Variants in CERS4 observed in about 807,000 individuals in gnomAD.
The protein encoded by CERS4 is LAG1 homolog, ceramide synthase 4.
A neutral mutation model predicts 51.8 loss-of-function variants in CERS4; 65 were observed. The observed-to-expected ratio is 1.26, with a 90% CI of 1.03 to 1.54. The LOEUF is 1.54. CERS4 is among the 40% of genes most tolerant of loss of function. The pLI, the probability that CERS4 is intolerant of heterozygous loss-of-function variation, is 0.00. For synonymous variants in CERS4, 228 were observed against 208.4 expected, an observed-to-expected ratio of 1.09 and a Z score of -0.81; for missense variants, 563 against 500.4, an observed-to-expected ratio of 1.13 and a Z score of -1.19.
intron 2 of CERS4, among the ~76,000 whole-genome samples, chr19:8,231,863 T>TG (rs1968023988): frequency 6.8e-6 from 1 of 147,528 alleles, no homozygotes; most frequent in South Asian, 2.2e-4. Flanking sequence ...TTTTTTTTTT[T>TG]TTTTTTTTTT....
chr19:8,257,212 G>A, intron 9 of CERS4, 135 bp downstream of exon 9: 2 of 918,446 alleles, frequency 2.2e-6, no homozygotes, highest in South Asian at 1.6e-5. Flanking sequence ...CGGGTGATGA[G>A]GCCCTGCCCC....
In CERS4 at chr19:8,256,269, G is replaced by A. The variant is rs766258940; in HGVS notation, c.502G>A (p.Asp168Asn). 9 of 1,613,576 alleles carry A rather than the reference G, an allele frequency of 5.6e-6. No homozygotes were observed. The African/African-American group carries it at 9.3e-5, about 17-fold the overall frequency. The change falls in exon 7 of 12, where the codon GAC becomes AAC. Residue 168 changes from aspartate (D) to asparagine (N), a missense_variant. Physicochemically the swap from Asp to Asn is conservative, Grantham distance 23. Transcript: ENST00000251363. ...SWLWAPVMCW[D>N]RYPNQTLKPS... ...GCTGTGGGCACCAGTAATGTGCTGG[G>A]ACAGGTACCCAAACCAGGTGAGTGG...
rs1968885859 is a variant in CERS4 at position 8,248,447 on chromosome 19, GAGCGGATAGATGTTT to G, written c.-1-2626_-1-2612del. Reference sequence around the variant, plus strand: ...GACACACAAGTGAGTGATGGATGATGAGCGGATAGATGTTTAGATGGGTGGACAGATGGATGATGA... The same window carrying G: ...GACACACAAGTGAGTGATGGATGATGAGATGGGTGGACAGATGGATGATGA... On this transcript the variant is annotated intron_variant, in intron 2 of 11. Coordinates refer to ENST00000251363, the MANE Select transcript of CERS4 (RefSeq NM_024552.3). 2.0e-5 allele frequency among the ~76,000 whole-genome samples: 3 copies of G among 151,974 alleles called. No homozygotes were observed. The South Asian group carries it at 6.2e-4, about 32-fold the overall frequency.
At chr19:8,224,655 A>T (rs1232703581) in intron 2 of CERS4, among the ~76,000 whole-genome samples, 1 of 152,192 alleles carries the variant, frequency 6.6e-6, no homozygotes, top group Non-Finnish European at 1.5e-5. Context: ...CAGTGGGAGC[A>T]CTTGCAGGAT....
intron 10 of CERS4, among the ~76,000 whole-genome samples, chr19:8,258,662 G>A (rs1969520784): frequency 6.6e-6 from 1 of 152,084 alleles, no homozygotes; most frequent in African/African-American, 2.4e-5. Flanking sequence ...GGCCAACATG[G>A]TGAAACCTTG....
intron 2 of CERS4, among the ~76,000 whole-genome samples, chr19:8,231,527 G>A (rs942967662): frequency 2.6e-5 from 4 of 151,874 alleles, no homozygotes; most frequent in Non-Finnish European, 4.4e-5. Flanking sequence ...AGAATATGGG[G>A]CTTTCCATCT....
rs773134878 is a variant in CERS4 at position 8,261,831 on chromosome 19, TGAA to T, written c.997_999del (p.Lys333del). ...ATTCTGCGCATGCTCTATAGCTTCA[TGAA>T]GAAGGGCCAGGTATGGCTGGACCTC... On this transcript the variant is annotated inframe_deletion, in exon 11 of 12. Coordinates refer to ENST00000251363, the MANE Select transcript of CERS4 (RefSeq NM_024552.3). 15 of 1,614,054 alleles carry T rather than the reference TGAA, an allele frequency of 9.3e-6. No homozygotes were observed. The highest frequency in any genetic ancestry group is 5.3e-5 in the African/African-American group (4 of 74,922).
rs1347647596 is a variant in CERS4, at chr19:8,255,716, G to A, written c.401G>A (p.Cys134Tyr). 3.7e-6 allele frequency: 6 copies of A among 1,612,592 alleles called. No homozygotes were observed. The highest frequency in any genetic ancestry group is 5.1e-6 in the Non-Finnish European group (6 of 1,179,506). Residue 134 changes from cysteine to tyrosine, a missense_variant, in exon 5 of 12, where the codon TGT becomes TAT. Coordinates refer to ENST00000251363, the MANE Select transcript of CERS4 (RefSeq NM_024552.3). Reference sequence around the variant, plus strand: ...CGACCCCAGCTGACCAAGAAGTTCTGTGAGGCCAGGTAAGCCCAGGATGGG... The same window carrying A: ...CGACCCCAGCTGACCAAGAAGTTCTATGAGGCCAGGTAAGCCCAGGATGGG... ...QDRPQLTKKF[C>Y]EASWRFLFYL...
At chr19:8,256,544 T>G in intron 7 of CERS4, 74 bp from the exon 8 acceptor site, 1 of 1,371,354 alleles carries the variant, frequency 7.3e-7, no homozygotes, top group Non-Finnish European at 1.0e-6. Flanking sequence ...GCAAACGGAG[T>G]GGGCCCGGAG....
intron 2 of CERS4, among the ~76,000 whole-genome samples, chr19:8,245,111 C>CAAAAAAAAAAA (rs74179480): frequency 2.0e-3 from 43 of 21,756 alleles, no homozygotes; most frequent in African/African-American, 4.4e-3. Context: ...GACTCCATCT[C>CAAAAAAAAAAA]AAAAAAAAAA....
At position 8,253,449 on chromosome 19, in the gene CERS4, C is replaced by CTTTTTT. The variant is rs35212733; in HGVS notation, c.174-1033_174-1028dup. Among the ~76,000 whole-genome samples the CTTTTTT allele has an allele frequency of 4.1e-3, 300 of 74,036 alleles. 7 individuals are homozygous for CTTTTTT. The highest frequency in any genetic ancestry group is 0.014 in the African/African-American group (287 of 20,148). The allele number at this position is 74,036 out of a possible 152,430, so 48.6% of individuals were successfully genotyped here. The stretch of plus-strand genomic sequence containing the variant: ...ACCCTACAGACAAAGGTCCAGCTGC[C>CTTTTTT]TTTTTTTTTTTTTTTTTTTTTTGGG... On this transcript the variant is annotated intron_variant, in intron 3 of 11. Transcript: ENST00000251363.
rs370479797 is a variant in CERS4, at chr19:8,256,172, C to T, written c.469-64C>T. The T allele has an allele frequency of 3.3e-4, 502 of 1,527,336 alleles. 1 individual carries two copies. The African/African-American group carries it at 5.7e-3, about 17-fold the overall frequency. The allele number at this position is 1,527,336 out of a possible 1,614,324, so 94.6% of individuals were successfully genotyped here. On this transcript the variant is annotated intron_variant, in intron 6 of 11. Coordinates refer to ENST00000251363, the MANE Select transcript of CERS4 (RefSeq NM_024552.3). ...ACTGTGGAAGGAGAACCAAAGAGACCGCAGACCCAGGGTGGGAGGTTGGAT... is the reference window on the plus strand; with the variant it reads ...ACTGTGGAAGGAGAACCAAAGAGACTGCAGACCCAGGGTGGGAGGTTGGAT...
At chr19:8,257,253 C>T (rs575059472) in intron 9 of CERS4, 176 bp downstream of exon 9, 2 of 667,936 alleles carry the variant, frequency 3.0e-6, no homozygotes, top group East Asian at 6.0e-5. Context: ...AGGCCCCACC[C>T]CCTCTGTCTT....
chr19:8,255,138 A>G (rs1295507104), intron 4 of CERS4, among the ~76,000 whole-genome samples: 3 of 151,818 alleles, frequency 2.0e-5, no homozygotes, highest in Non-Finnish European at 2.9e-5. Flanking sequence ...CTGCGTCCTG[A>G]GTGGGGTGGG....
At chr19:8,217,780 G>A (rs1395035353) in intron 2 of CERS4, among the ~76,000 whole-genome samples, 2 of 151,866 alleles carry the variant, frequency 1.3e-5, no homozygotes, top group Admixed American at 6.6e-5. Flanking sequence ...CTCGTGATCC[G>A]CCCGCCTCGG....
intron 2 of CERS4, among the ~76,000 whole-genome samples, chr19:8,240,929 T>C (rs937554302): frequency 6.6e-6 from 1 of 151,874 alleles, no homozygotes; most frequent in Admixed American, 6.6e-5. Flanking sequence ...CTAAGAAGGA[T>C]TATCAGTTTG....
At chr19:8,219,091 C>T (rs1967423591) in intron 2 of CERS4, among the ~76,000 whole-genome samples, 1 of 152,138 alleles carries the variant, frequency 6.6e-6, no homozygotes, top group African/African-American at 2.4e-5. Context: ...CCTGTATTCC[C>T]AGCGACTTGG....
chr19:8,236,524 CA>C (rs1968260840), intron 2 of CERS4, among the ~76,000 whole-genome samples: 1 of 149,782 alleles, frequency 6.7e-6, no homozygotes, highest in Non-Finnish European at 1.5e-5. Context: ...CAAAAAAGTA[CA>C]AAAATTAGCT....
Position 8,257,083 on chromosome 19 carries a change from C to A in CERS4, c.741+6C>A. 5 of 1,589,886 alleles carry A rather than the reference C, an allele frequency of 3.1e-6. No individual in the cohort carries two copies. Among genetic ancestry groups the A allele is most frequent in the Non-Finnish European group, 3.4e-6 (4 of 1,166,182 alleles). On this transcript the variant is annotated splice_donor_region_variant and intron_variant, in intron 9 of 11. Coordinates refer to ENST00000251363, the MANE Select transcript of CERS4 (RefSeq NM_024552.3). ...CCTCTGACTACCTGCTGGAGGTGGG[C>A]CCGACCCCTGCCTGACCCTTCCCAG...
Sources: gnomAD v4.1 joint callset for allele counts (sites outside exome capture counted in the v4.1 genomes callset) on GRCh38, gnomAD v4.1.1 for gene constraint, MANE v1.5 for transcripts, NCBI Gene and HGNC (gene_info 2026-07-23, HGNC 2026-07-21) for gene names.